HDAC9: variants seen among roughly 807,000 people sequenced by gnomAD.
HDAC9 encodes histone deacetylase 9.
In HDAC9, 41 loss-of-function variants were observed where a neutral mutation model predicts 139.4. The observed-to-expected ratio is 0.29, with a 90% CI of 0.23 to 0.38. The LOEUF (loss-of-function observed/expected upper bound fraction) is 0.38. Ranked by LOEUF, HDAC9 falls within the 10% of genes least tolerant of loss-of-function variation. HDAC9 has a pLI of 1.00. For synonymous variants in HDAC9, 517 were observed against 476.2 expected (o/e 1.09, Z -1.12); for missense variants, 1,147 against 1,297.0 (o/e 0.88, Z 1.78).
rs187519391 is a variant in HDAC9 at position 18,586,250 on chromosome 7, T to A, written c.264+728T>A. Among the ~76,000 whole-genome samples the A allele has an allele frequency of 1.6e-3, 241 of 152,254 alleles. 6 individuals carry two copies. Among genetic ancestry groups the A allele is most frequent in the Middle Eastern group, 3.4e-3 (1 of 292 alleles). On this transcript the variant is annotated intron_variant, in intron 3 of 25. Coordinates refer to ENST00000686413, the MANE Select transcript of HDAC9 (RefSeq NM_178425.4). ...ATAATATTAGATGTGTCTGTTTTTT[T>A]AAATTTTGTATCTTCAGAGATAAAT...
rs112854469 is a variant in HDAC9 at position 18,459,319 on chromosome 7, G to A, written c.-41-36943G>A. On this transcript the variant is annotated intron_variant, in intron 1 of 3. Transcript: ENST00000413509. Reference sequence around the variant, plus strand: ...AATTAACTCCTCTTCCCAGAAAAGTGTAATAGAAGGATACTATAGTGGAGT... The same window carrying A: ...AATTAACTCCTCTTCCCAGAAAAGTATAATAGAAGGATACTATAGTGGAGT... 7.7e-3 allele frequency among the ~76,000 whole-genome samples: 1,171 copies of A among 152,208 alleles called. 15 individuals carry two copies. Among genetic ancestry groups the A allele is most frequent in the African/African-American group, 0.027 (1,108 of 41,518 alleles).
At chr7:18,601,617 TTG>T (rs1833971810) in intron 6 of HDAC9, among the ~76,000 whole-genome samples, 1 of 152,206 alleles carries the variant, frequency 6.6e-6, no homozygotes, top group African/African-American at 2.4e-5. Flanking sequence ...GCTGTAGATT[TTG>T]TGTTTGTGTT....
At chr7:18,809,027 G>A (rs11977190) in intron 17 of HDAC9, among the ~76,000 whole-genome samples, 9,597 of 152,004 alleles carry the variant, frequency 0.063, 937 homozygotes, top group African/African-American at 0.21. Flanking sequence ...GAGCCCAGCA[G>A]TAAAATCCAC....
At chr7:18,911,552 A>G (rs1272985264) in intron 22 of HDAC9, among the ~76,000 whole-genome samples, 3 of 148,834 alleles carry the variant, frequency 2.0e-5, no homozygotes, top group Non-Finnish European at 4.5e-5. Flanking sequence ...ACCTTTACTA[A>G]TTTGGGGTTT....
intron 17 of HDAC9, among the ~76,000 whole-genome samples, chr7:18,827,293 A>T (rs1377403487): frequency 6.6e-6 from 1 of 152,134 alleles, no homozygotes; most frequent in Non-Finnish European, 1.5e-5. Context: ...TCCCTATTAT[A>T]AATAAGACAC....
chr7:18,781,435 C>T (rs971895632), intron 16 of HDAC9, among the ~76,000 whole-genome samples: 11 of 151,984 alleles, frequency 7.2e-5, no homozygotes, highest in African/African-American at 2.7e-4. Flanking sequence ...TTATAAAGCT[C>T]TCATGAGGAA....
chr7:18,990,576 C>A (rs1301485612), intron 25 of HDAC9, among the ~76,000 whole-genome samples: 1 of 152,218 alleles, frequency 6.6e-6, no homozygotes, highest in Non-Finnish European at 1.5e-5. Flanking sequence ...TGGGCTCCAC[C>A]CAGTTTGAGC....
intron 1 of HDAC9, among the ~76,000 whole-genome samples, chr7:18,401,172 T>C (rs1283523076): frequency 1.3e-5 from 2 of 152,234 alleles, no homozygotes; most frequent in Non-Finnish European, 2.9e-5. Context: ...AATGAAGTGT[T>C]ATCCACTTAA....
intron 1 of HDAC9, among the ~76,000 whole-genome samples, chr7:18,317,094 AAAATAAATAAAT>A (rs71014322): frequency 0.024 from 3,108 of 127,562 alleles, 90 homozygotes; most frequent in African/African-American, 0.07. Context: ...ACTCTGTCTC[AAAATAAATAAAT>A]AAATAAATAA....
At chr7:18,583,857 A>G (rs965126597) in intron 2 of HDAC9, among the ~76,000 whole-genome samples, 1 of 152,144 alleles carries the variant, frequency 6.6e-6, no homozygotes, top group Non-Finnish European at 1.5e-5. Flanking sequence ...AGTTGGTTTT[A>G]TCTGAGTAGT....
intron 1 of HDAC9, among the ~76,000 whole-genome samples, chr7:18,444,631 T>C (rs1792123494): frequency 7.0e-6 from 1 of 142,226 alleles, no homozygotes; most frequent in Admixed American, 6.8e-5. Flanking sequence ...TTGCCAGAAC[T>C]TTTTTCTTCC....
intron 1 of HDAC9, among the ~76,000 whole-genome samples, chr7:18,308,788 C>A (rs1799099465): frequency 6.6e-6 from 1 of 152,176 alleles, no homozygotes; most frequent in African/African-American, 2.4e-5. Flanking sequence ...TCTTGCTGTT[C>A]TCTAATTTAA....
intron 2 of HDAC9, among the ~76,000 whole-genome samples, chr7:18,163,954 A>T (rs950278471): frequency 6.6e-6 from 1 of 152,156 alleles, no homozygotes; most frequent in Non-Finnish European, 1.5e-5. Context: ...TGCTATTTTG[A>T]TGAGGAAATT....
intron 2 of HDAC9, among the ~76,000 whole-genome samples, chr7:18,167,697 G>A (rs1314017442): frequency 6.6e-6 from 1 of 152,144 alleles, no homozygotes; most frequent in East Asian, 1.9e-4. Flanking sequence ...GAGTGTGAGA[G>A]GTTTCCAAAG....
At chr7:18,384,773 A>G (rs1204700579) in intron 1 of HDAC9, among the ~76,000 whole-genome samples, 2 of 152,114 alleles carry the variant, frequency 1.3e-5, no homozygotes, top group Admixed American at 6.5e-5. Flanking sequence ...AAAAAAGAAA[A>G]AAAAAAAAAG....
At chr7:18,427,697 CTTCTT>C (rs1562975803) in intron 1 of HDAC9, among the ~76,000 whole-genome samples, 3 of 150,882 alleles carry the variant, frequency 2.0e-5, no homozygotes, top group African/African-American at 7.3e-5. Flanking sequence ...TTTCTTTCTT[CTTCTT>C]TTTTTTTTTT....
intron 17 of HDAC9, among the ~76,000 whole-genome samples, chr7:18,817,225 C>CG (rs1199357134): frequency 1.8e-4 from 28 of 151,996 alleles, no homozygotes; most frequent in Non-Finnish European, 3.4e-4. Context: ...TTAGTAGAGA[C>CG]GGGTTTCACC....
chr7:18,830,723 C>A (rs1328500634), intron 19 of HDAC9, among the ~76,000 whole-genome samples: 1 of 152,186 alleles, frequency 6.6e-6, no homozygotes, highest in Non-Finnish European at 1.5e-5. Flanking sequence ...CCTGCAAGCA[C>A]TTTGGAGAGA....
chr7:18,275,191 G>A (rs1796637905), intron 2 of HDAC9, among the ~76,000 whole-genome samples: 1 of 152,154 alleles, frequency 6.6e-6, no homozygotes, highest in African/African-American at 2.4e-5. Context: ...ATCATTGAAT[G>A]TTGTCTTTTC....
Sources: gnomAD v4.1 joint callset for allele counts (sites outside exome capture counted in the v4.1 genomes callset) on GRCh38, gnomAD v4.1.1 for gene constraint, MANE v1.5 for transcripts, NCBI Gene and HGNC (gene_info 2026-07-23, HGNC 2026-07-21) for gene names.